SSPN: variants seen among roughly 807,000 people sequenced by gnomAD.
SSPN encodes the protein sarcospan.
SSPN carries 15 observed loss-of-function variants against 19.1 expected under a neutral mutation model. The ratio of observed to expected loss-of-function variants is 0.78; its 90% CI spans 0.52 to 1.21. SSPN has a LOEUF of 1.21. Among genes scored for constraint, SSPN ranks in the 50% most tolerant of loss-of-function variants. The pLI, the probability that SSPN is intolerant of heterozygous loss-of-function variation, is 0.00. For missense variants in SSPN, 291 were observed against 314.0 expected, an observed-to-expected ratio of 0.93 and a Z score of 0.55; for synonymous variants, 147 against 140.3, an observed-to-expected ratio of 1.05 and a Z score of -0.34.
chr12:26,144,822 T>G (rs1944480485), intron 1 of SSPN, among the ~76,000 whole-genome samples: 1 of 152,262 alleles, frequency 6.6e-6, no homozygotes, highest in Non-Finnish European at 1.5e-5. Flanking sequence ...CTACTAAATC[T>G]TTCTGTTTCT....
chr12:26,142,736 G>T lies in SSPN; in HGVS notation c.-31+20584G>T, dbSNP rs990058548. Among the ~76,000 whole-genome samples the T allele has an allele frequency of 2.6e-5, 4 of 152,156 alleles. 1 individual carries two copies. The highest frequency in any genetic ancestry group is 5.9e-5 in the Non-Finnish European group (4 of 68,028). ...ATTAGAAGAGAAGTGGGTTGAGGAT[G>T]GAATCCTGGGGAATACTGACTTTTA... On this transcript the variant is annotated intron_variant, in intron 1 of 2. Transcript: ENST00000538142.
chr12:26,164,415 A>T (rs1234492792), intron 1 of SSPN, among the ~76,000 whole-genome samples: 1 of 152,166 alleles, frequency 6.6e-6, no homozygotes, highest in Non-Finnish European at 1.5e-5. Flanking sequence ...TAAACCTATG[A>T]CATAATCCCA....
At chr12:26,186,932 T>C (rs1944757915) in intron 1 of SSPN, among the ~76,000 whole-genome samples, 1 of 152,198 alleles carries the variant, frequency 6.6e-6, no homozygotes, top group South Asian at 2.1e-4. Context: ...CTCTCTCTCT[T>C]TCTTCCCCCT....
chr12:26,217,295 C>T (rs1945064058), intron 1 of SSPN, among the ~76,000 whole-genome samples: 1 of 143,390 alleles, frequency 7.0e-6, no homozygotes, highest in African/African-American at 2.6e-5. Flanking sequence ...CTTCACGTCC[C>T]TTATAAGTTG....
At chr12:26,122,327 C>A (rs1455668612) in intron 1 of SSPN, 3 of 1,172,746 alleles carry the variant, frequency 2.6e-6, no homozygotes, top group Non-Finnish European at 3.2e-6. Context: ...CCGCGGCTGC[C>A]GCCGGGGCGG....
intron 1 of SSPN, among the ~76,000 whole-genome samples, chr12:26,209,568 C>G (rs1049981832): frequency 6.6e-6 from 1 of 151,794 alleles, no homozygotes; most frequent in Non-Finnish European, 1.5e-5. Flanking sequence ...TTTAATCTGC[C>G]TTTTACTTGT....
intron 1 of SSPN, among the ~76,000 whole-genome samples, chr12:26,206,848 G>T (rs1944935482): frequency 6.6e-6 from 1 of 152,126 alleles, no homozygotes. Flanking sequence ...ATAGAACTTG[G>T]TGATTAGTTT....
upstream of SSPN, among the ~76,000 whole-genome samples, chr12:26,195,057 A>C (rs1018694363): frequency 2.6e-5 from 4 of 152,194 alleles, no homozygotes; most frequent in Non-Finnish European, 4.4e-5. Flanking sequence ...ATCTTTAGAA[A>C]GATTCAAAAA....
chr12:26,210,781 A>G (rs1425242260), intron 1 of SSPN, among the ~76,000 whole-genome samples: 3 of 152,106 alleles, frequency 2.0e-5, no homozygotes, highest in Non-Finnish European at 4.4e-5. Context: ...ACAGTGTTTT[A>G]TAGGGAGAGA....
chr12:26,220,247 C>CAAAAA (rs58022147), intron 1 of SSPN, among the ~76,000 whole-genome samples: 8 of 114,468 alleles, frequency 7.0e-5, no homozygotes, highest in Non-Finnish European at 8.5e-5. Flanking sequence ...AAGCTGTAGG[C>CAAAAA]AAAAAAAAAA....
At chr12:26,226,657 C>A (rs1468765334) in intron 2 of SSPN, among the ~76,000 whole-genome samples, 1 of 152,138 alleles carries the variant, frequency 6.6e-6, no homozygotes, top group Non-Finnish European at 1.5e-5. Flanking sequence ...CTGCAGGTCG[C>A]GCTTCCTGCC....
intron 1 of SSPN, among the ~76,000 whole-genome samples, chr12:26,153,173 C>A (rs1944535509): frequency 6.6e-6 from 1 of 152,200 alleles, no homozygotes; most frequent in African/African-American, 2.4e-5. Context: ...TACTTAGCCT[C>A]TAAACCTCAG....
intron 1 of SSPN, among the ~76,000 whole-genome samples, chr12:26,143,122 A>C (rs746935877): frequency 9.2e-5 from 14 of 152,362 alleles, no homozygotes; most frequent in Middle Eastern, 3.4e-3. Flanking sequence ...TGACAAATTA[A>C]TATGGCCACT....
chr12:26,124,371 C>T (rs971573515), intron 1 of SSPN: 4 of 926,804 alleles, frequency 4.3e-6, no homozygotes, highest in Non-Finnish European at 7.0e-6. Flanking sequence ...TAATATCCCC[C>T]TGAGAGTACC....
At chr12:26,147,842 A>G (rs1382888322) in intron 1 of SSPN, among the ~76,000 whole-genome samples, 1 of 152,202 alleles carries the variant, frequency 6.6e-6, no homozygotes, top group African/African-American at 2.4e-5. Flanking sequence ...TTTGGGGGCA[A>G]CAGCAAGGCT....
intron 1 of SSPN, among the ~76,000 whole-genome samples, chr12:26,149,202 C>T (rs1031560289): frequency 2.0e-5 from 3 of 152,038 alleles, no homozygotes; most frequent in East Asian, 1.9e-4. Flanking sequence ...TGTGTTGCTG[C>T]GTTTGTAAAC....
chr12:26,170,718 T>C (rs1228150375), intron 1 of SSPN, among the ~76,000 whole-genome samples: 1 of 152,242 alleles, frequency 6.6e-6, no homozygotes, highest in Non-Finnish European at 1.5e-5. Flanking sequence ...TTTTGTGTTT[T>C]GGAATTCATT....
chr12:26,180,560 A>C (rs1944712515), intron 1 of SSPN: 1 of 152,160 alleles, frequency 6.6e-6, no homozygotes. Flanking sequence ...TCTCCCCCTT[A>C]ACTGTCCCCT....
At chr12:26,225,117 C>CT (rs577187745) in intron 2 of SSPN, among the ~76,000 whole-genome samples, 12,150 of 147,598 alleles carry the variant, frequency 0.082, 901 homozygotes, top group African/African-American at 0.2. Context: ...TATCTTTAAT[C>CT]TTTTTTTTTT....
Sources: allele counts gnomAD v4.1 joint callset (sites outside exome capture counted in the v4.1 genomes callset), GRCh38; gene constraint gnomAD v4.1.1; transcripts MANE v1.5; gene names NCBI Gene and HGNC (gene_info 2026-07-23, HGNC 2026-07-21).